Variants in OSBPL10 observed in about 807,000 individuals in gnomAD.
The protein encoded by OSBPL10 is oxysterol binding protein like 10.
OSBPL10 carries 49 observed loss-of-function variants against 81.7 expected under a neutral mutation model. That is an observed-to-expected ratio of 0.60 (90% confidence interval 0.48 to 0.76). The LOEUF (loss-of-function observed/expected upper bound fraction) is 0.76. Ranked by LOEUF, OSBPL10 falls within the 30% of genes least tolerant of loss-of-function variation. The pLI, the probability that OSBPL10 is intolerant of heterozygous loss-of-function variation, is 0.00. For synonymous variants in OSBPL10, 419 were observed against 383.6 expected, an observed-to-expected ratio of 1.09 and a Z score of -1.08; for missense variants, 923 against 987.8, an observed-to-expected ratio of 0.93 and a Z score of 0.88.
upstream of OSBPL10, chr3:31,981,438 C>G: frequency 2.1e-6 from 1 of 467,716 alleles, no homozygotes; most frequent in Non-Finnish European, 3.4e-6. The surrounding 1 kb of genome is among the most constrained non-coding windows in gnomAD (Gnocchi z 4.5). Context: ...ACTAGTTTCC[C>G]GGGCAAGTTC....
chr3:31,719,935 C>T (rs1696580718), intron 6 of OSBPL10, among the ~76,000 whole-genome samples: 1 of 151,616 alleles, frequency 6.6e-6, no homozygotes, highest in African/African-American at 2.4e-5. Flanking sequence ...CAAACAATCT[C>T]TACGTACTGA....
intron 1 of OSBPL10, among the ~76,000 whole-genome samples, chr3:31,910,104 C>A (rs2125690993): frequency 6.6e-6 from 1 of 151,774 alleles, no homozygotes; most frequent in African/African-American, 2.4e-5. Flanking sequence ...GCCTCAGCCT[C>A]CTGAGTATCT....
chr3:31,671,870 G>A (rs1416710221), intron 8 of OSBPL10, among the ~76,000 whole-genome samples: 2 of 152,132 alleles, frequency 1.3e-5, no homozygotes, highest in Admixed American at 6.5e-5. Context: ...ATACAGACTG[G>A]CAGAGGCCCT....
At chr3:31,762,472 G>GTT (rs201990635) in intron 4 of OSBPL10, among the ~76,000 whole-genome samples, 16 of 151,032 alleles carry the variant, frequency 1.1e-4, no homozygotes, top group Non-Finnish European at 1.0e-4. Context: ...GCTGGTTACT[G>GTT]TTTTTTTTGT....
In OSBPL10 at chr3:32,066,247, C is replaced by T. The variant is rs1341389837; in HGVS notation, n.185+11149G>A. 1.1e-4 allele frequency among the ~76,000 whole-genome samples: 10 copies of T among 91,254 alleles called. 2 individuals are homozygous for T. In the East Asian group the frequency reaches 2.6e-3, roughly 23 times the overall value. The allele number at this position is 91,254 out of a possible 152,430, so 59.9% of individuals were successfully genotyped here. A position where few individuals can be genotyped will look rare whatever the true frequency, so the allele number is the denominator to read the frequency against. On this transcript the variant is annotated intron_variant and non_coding_transcript_variant, in intron 1 of 3. Coordinates refer to the OSBPL10 transcript ENST00000479173. ...CCCCCACCCTTGCAATCTGACCACCCTCACTATATTATCACCCTAGCCTGC... is the reference window on the plus strand; with the variant it reads ...CCCCCACCCTTGCAATCTGACCACCTTCACTATATTATCACCCTAGCCTGC...
chr3:31,985,013 C>A (rs997891185), upstream of OSBPL10, among the ~76,000 whole-genome samples: 9 of 152,220 alleles, frequency 5.9e-5, no homozygotes, highest in Admixed American at 2.6e-4. Flanking sequence ...CCAAGGTGGG[C>A]GGGTCACGTG....
At chr3:31,706,395 G>A (rs1392701639) in intron 6 of OSBPL10, among the ~76,000 whole-genome samples, 2 of 152,182 alleles carry the variant, frequency 1.3e-5, no homozygotes, top group Non-Finnish European at 2.9e-5. Context: ...AAGGGTCTCT[G>A]CCCCTTCGCT....
intron 3 of OSBPL10, among the ~76,000 whole-genome samples, chr3:31,833,035 T>C (rs559742280): frequency 6.6e-6 from 1 of 152,316 alleles, no homozygotes; most frequent in African/African-American, 2.4e-5. Flanking sequence ...TGAATTGGAA[T>C]GCAGATAAAG....
rs1442464536 is a variant in OSBPL10 at position 31,766,326 on chromosome 3, TTTGTTTTTTTG to T, written c.730-18217_730-18207del. Among the ~76,000 whole-genome samples the T allele has an allele frequency of 2.3e-3, 73 of 31,504 alleles. 5 individuals carry two copies. The highest frequency in any genetic ancestry group is 7.8e-3 in the Admixed American group (15 of 1,930). The allele number at this position is 31,504 out of a possible 152,430, so 20.7% of individuals were successfully genotyped here. A position where few individuals can be genotyped will look rare whatever the true frequency, so the allele number is the denominator to read the frequency against. On this transcript the variant is annotated intron_variant, in intron 4 of 11. Coordinates refer to ENST00000396556, the MANE Select transcript of OSBPL10 (RefSeq NM_017784.5). ...GTGATGTTTGGCCCAATGTAGTTTT[TTTGTTTTTTTG>T]TTTTTTTTTGTTTTTTTTTTGAGAC... is the stretch of plus-strand genomic sequence containing the variant.
intron 8 of OSBPL10, among the ~76,000 whole-genome samples, chr3:31,679,161 T>A (rs528234593): frequency 6.6e-6 from 1 of 152,168 alleles, no homozygotes; most frequent in African/African-American, 2.4e-5. Flanking sequence ...CTTGCTGTTC[T>A]TTTTTGCATA....
chr3:31,997,546 G>A (rs9862309), intron 2 of OSBPL10, among the ~76,000 whole-genome samples: 1,868 of 151,920 alleles, frequency 0.012, 36 homozygotes, highest in African/African-American at 0.042. Context: ...TACAGCCACC[G>A]TGCCAGGGCA....
chr3:31,990,645 A>C (rs771366434), intron 2 of OSBPL10: 3 of 1,614,024 alleles, frequency 1.9e-6, no homozygotes, highest in Non-Finnish European at 2.5e-6. Flanking sequence ...TTAATCAACA[A>C]GCAACCCTTG....
intron 7 of OSBPL10, among the ~76,000 whole-genome samples, chr3:31,697,349 G>A (rs766147827): frequency 7.3e-5 from 11 of 151,540 alleles, no homozygotes; most frequent in South Asian, 6.3e-4. Flanking sequence ...GAGCTGCCCC[G>A]CTAAGCCCAT....
Position 31,870,366 on chromosome 3 carries a change from C to T in OSBPL10, c.537+6067G>A, listed in dbSNP as rs373420154. 4.3e-4 allele frequency among the ~76,000 whole-genome samples: 65 copies of T among 152,356 alleles called. No homozygotes were observed. In the East Asian group the frequency reaches 0.012, roughly 27 times the overall value. ...TTAGCTTTCCCGCGGGGCAGGGCTC[C>T]GGACCTGCAGCCCGCCATGCCTGAG... On this transcript the variant is annotated intron_variant, in intron 3 of 11. Coordinates refer to ENST00000396556, the MANE Select transcript of OSBPL10 (RefSeq NM_017784.5).
In OSBPL10 at chr3:31,934,598, G is replaced by T. The variant is rs558105428; in HGVS notation, c.281+46301C>A. 2.6e-5 allele frequency among the ~76,000 whole-genome samples: 4 copies of T among 151,668 alleles called. No individual in the cohort carries two copies. In the East Asian group the frequency reaches 7.8e-4, roughly 29 times the overall value. ...ATTTTTTGTATTTTAGTAAAGATGG[G>T]GTTTCACCATGTTTCCCAAGCTGGT... On this transcript the variant is annotated intron_variant, in intron 1 of 11. Transcript: ENST00000396556.
chr3:31,835,430 T>C lies in OSBPL10; in HGVS notation c.538-5199A>G, dbSNP rs186344648. ...TATCAAAAGTTTGTAATTGTTGAGC[T>C]AGAATTAAAAGGAGGCAAGGGAGGG... On this transcript the variant is annotated intron_variant, in intron 3 of 11. Coordinates refer to ENST00000396556, the MANE Select transcript of OSBPL10 (RefSeq NM_017784.5). Among the ~76,000 whole-genome samples the C allele has an allele frequency of 1.7e-3, 257 of 152,276 alleles. 1 individual carries two copies. Among genetic ancestry groups the C allele is most frequent in the African/African-American group, 6.0e-3 (250 of 41,564 alleles).
intron 6 of OSBPL10, chr3:31,711,165 C>T (rs777503928): frequency 6.6e-6 from 1 of 152,248 alleles, no homozygotes; most frequent in Non-Finnish European, 1.5e-5. Context: ...TCCCTAGGTG[C>T]TTCAGACATG....
intron 3 of OSBPL10, among the ~76,000 whole-genome samples, chr3:31,871,186 C>T (rs1052052994): frequency 2.0e-5 from 3 of 152,200 alleles, no homozygotes; most frequent in African/African-American, 7.2e-5. Flanking sequence ...CTACTGCTCA[C>T]TCTTTGGGTC....
chr3:31,870,323 T>G (rs905585826), intron 3 of OSBPL10, among the ~76,000 whole-genome samples: 6 of 152,212 alleles, frequency 3.9e-5, no homozygotes, highest in African/African-American at 1.4e-4. Context: ...GGCGCTGCCC[T>G]CGATTTCTCA....
Sources: gnomAD v4.1 joint callset for allele counts (sites outside exome capture counted in the v4.1 genomes callset) on GRCh38, gnomAD v4.1.1 for gene constraint, Gnocchi (gnomAD v3.1) non-coding constraint, MANE v1.5 for transcripts, NCBI Gene and HGNC (gene_info 2026-07-23, HGNC 2026-07-21) for gene names.